Variants in CNTN3 observed in about 807,000 individuals in gnomAD.
CNTN3 encodes the protein contactin 3.
CNTN3 carries 60 observed loss-of-function variants against 119.1 expected under a neutral mutation model. The ratio of observed to expected loss-of-function variants is 0.50; its 90% confidence interval spans 0.41 to 0.62. The LOEUF (loss-of-function observed/expected upper bound fraction) is 0.62, where lower values mean the gene tolerates loss of function less well. Ranked by LOEUF, CNTN3 falls within the 20% of genes least tolerant of loss-of-function variation. The probability of loss-of-function intolerance (pLI) is 0.00; values close to 1 mark genes in which losing one functional copy is unlikely to be tolerated. For synonymous variants in CNTN3, 450 were observed against 438.7 expected (o/e 1.03, Z -0.32); for missense variants, 1,101 against 1,242.4 (o/e 0.89, Z 1.71).
intron 13 of CNTN3, among the ~76,000 whole-genome samples, chr3:74,330,115 G>A (rs138194136): frequency 9.2e-5 from 14 of 152,228 alleles, no homozygotes; most frequent in Non-Finnish European, 1.5e-4. Flanking sequence ...CAGCACTTTG[G>A]GAGGCCAAGA....
intron 1 of CNTN3, among the ~76,000 whole-genome samples, chr3:74,572,711 T>C (rs1288095762): frequency 6.6e-6 from 1 of 152,240 alleles, no homozygotes; most frequent in East Asian, 1.9e-4. Flanking sequence ...ATTACTTGCA[T>C]AATTAAATAC....
intron 1 of CNTN3, among the ~76,000 whole-genome samples, chr3:74,521,617 C>A (rs1052914006): frequency 6.6e-6 from 1 of 151,718 alleles, no homozygotes; most frequent in African/African-American, 2.4e-5. Flanking sequence ...CCTAATAAAG[C>A]ATGCAAATTA....
chr3:74,453,580 C>T (rs1702203695), intron 4 of CNTN3, among the ~76,000 whole-genome samples: 3 of 151,750 alleles, frequency 2.0e-5, no homozygotes, highest in Non-Finnish European at 2.9e-5. Flanking sequence ...TTTGCTCTTG[C>T]TTTTCTAGTT....
At chr3:74,570,330 G>A (rs1425201468) in intron 1 of CNTN3, among the ~76,000 whole-genome samples, 2 of 151,976 alleles carry the variant, frequency 1.3e-5, no homozygotes, top group African/African-American at 4.8e-5. Context: ...CACAAAAGCG[G>A]ATTTTCTACC....
At chr3:74,272,949 AT>A (rs1310394283) in intron 20 of CNTN3, among the ~76,000 whole-genome samples, 1 of 152,088 alleles carries the variant, frequency 6.6e-6, no homozygotes, top group Non-Finnish European at 1.5e-5. Flanking sequence ...GCTAGTTTCC[AT>A]TTTTTTAAAT....
chr3:74,329,969 C>A (rs1703220738), intron 13 of CNTN3, among the ~76,000 whole-genome samples: 1 of 152,104 alleles, frequency 6.6e-6, no homozygotes, highest in South Asian at 2.1e-4. Context: ...GATCTCATGG[C>A]AGGAGAGAAT....
At chr3:74,313,007 A>AG (rs1702732521) in intron 13 of CNTN3, among the ~76,000 whole-genome samples, 1 of 152,000 alleles carries the variant, frequency 6.6e-6, no homozygotes, top group Admixed American at 6.5e-5. Context: ...AAAAAAAAAA[A>AG]GGTTAGAGAT....
At position 74,574,625 on chromosome 3, in the gene CNTN3, T is replaced by G. The variant is rs181873168; in HGVS notation, c.-81+39766A>C. Among the ~76,000 whole-genome samples, 6 of 152,332 alleles carry G rather than the reference T, an allele frequency of 3.9e-5. No homozygotes were observed. The East Asian group carries it at 9.7e-4, about 25-fold the overall frequency. ...CATGGAAGTCATGCTGTTTTTCTCTTGTAAACTGTTTTTCCCAGTGCTACA... is the reference window on the plus strand; with the variant it reads ...CATGGAAGTCATGCTGTTTTTCTCTGGTAAACTGTTTTTCCCAGTGCTACA... On this transcript the variant is annotated intron_variant, in intron 1 of 22. Transcript: ENST00000263665.
rs554970962 is a variant in CNTN3, at chr3:74,428,735, T to C, written c.359-3795A>G. Among the ~76,000 whole-genome samples, 3 of 152,270 alleles carry C rather than the reference T, an allele frequency of 2.0e-5. No individual in the cohort carries two copies. The East Asian group carries it at 5.8e-4, about 29-fold the overall frequency. On this transcript the variant is annotated intron_variant, in intron 4 of 22. Transcript: ENST00000263665. ...AAGTCTACAGTAATGTACAGTAACGTCCTAGGCCTTCACATTCACTCACCG... is the reference window on the plus strand; with the variant it reads ...AAGTCTACAGTAATGTACAGTAACGCCCTAGGCCTTCACATTCACTCACCG...
At chr3:74,509,847 C>G (rs562135670) in intron 2 of CNTN3, among the ~76,000 whole-genome samples, 1 of 152,074 alleles carries the variant, frequency 6.6e-6, no homozygotes, top group Non-Finnish European at 1.5e-5. Context: ...ATTCTGAATT[C>G]CTAGAACAAT....
intron 4 of CNTN3, among the ~76,000 whole-genome samples, chr3:74,477,200 G>T (rs1702672828): frequency 1.3e-5 from 2 of 152,142 alleles, no homozygotes; most frequent in Admixed American, 6.6e-5. Context: ...TTATTATCCT[G>T]TCTGTACAGA....
At chr3:74,319,497 C>A (rs1048462786) in intron 13 of CNTN3, among the ~76,000 whole-genome samples, 1 of 152,074 alleles carries the variant, frequency 6.6e-6, no homozygotes, top group Non-Finnish European at 1.5e-5. Context: ...CTTCCTTACA[C>A]CTTATACAAA....
chr3:74,501,412 C>A (rs1300199415), intron 2 of CNTN3, among the ~76,000 whole-genome samples: 1 of 152,002 alleles, frequency 6.6e-6, no homozygotes, highest in Non-Finnish European at 1.5e-5. Context: ...GGTCAGATGT[C>A]CTGTGGTCAA....
chr3:74,418,405 G>A (rs972546043), intron 5 of CNTN3, among the ~76,000 whole-genome samples: 1 of 129,766 alleles, frequency 7.7e-6, no homozygotes, highest in Admixed American at 9.3e-5. Flanking sequence ...GCAATGGCGC[G>A]ACCTTGGCTC....
rs115000154 is a variant in CNTN3, at chr3:74,430,006, G to A, written c.359-5066C>T. The stretch of plus-strand genomic sequence containing the variant: ...GACAGCACTAAATCTTGGAGAGGAT[G>A]TAAGGAGGCTGGATGATTCAGACAT... On this transcript the variant is annotated intron_variant, in intron 4 of 22. Transcript: ENST00000263665. Among the ~76,000 whole-genome samples the A allele has an allele frequency of 2.1e-3, 313 of 152,326 alleles. 1 individual carries two copies. Among genetic ancestry groups the A allele is most frequent in the African/African-American group, 7.1e-3 (297 of 41,576 alleles).
At chr3:74,502,458 T>C (rs778646492) in intron 2 of CNTN3, among the ~76,000 whole-genome samples, 1 of 152,198 alleles carries the variant, frequency 6.6e-6, no homozygotes, top group Non-Finnish European at 1.5e-5. Flanking sequence ...CATTTTCTTC[T>C]GAGATCCTTT....
intron 1 of CNTN3, among the ~76,000 whole-genome samples, chr3:74,596,669 G>A (rs1346670681): frequency 1.3e-5 from 2 of 151,782 alleles, no homozygotes; most frequent in Non-Finnish European, 2.9e-5. Flanking sequence ...TTCCAAAACT[G>A]TATTTCTTAT....
At chr3:74,549,236 C>A (rs765351455) in intron 1 of CNTN3, among the ~76,000 whole-genome samples, 8 of 152,084 alleles carry the variant, frequency 5.3e-5, no homozygotes, top group Non-Finnish European at 1.0e-4. Context: ...AGCACCTCCC[C>A]CTTTGCTGTC....
At chr3:74,589,105 T>C (rs1309153856) in intron 1 of CNTN3, among the ~76,000 whole-genome samples, 2 of 150,542 alleles carry the variant, frequency 1.3e-5, no homozygotes, top group Admixed American at 6.6e-5. Context: ...AATTGACAAA[T>C]GGGATCTAAT....
Sources: gnomAD v4.1 joint callset for allele counts (sites outside exome capture counted in the v4.1 genomes callset) on GRCh38, gnomAD v4.1.1 for gene constraint, MANE v1.5 for transcripts, NCBI Gene and HGNC (gene_info 2026-07-23, HGNC 2026-07-21) for gene names.